BAZ2B: variants seen among roughly 807,000 people sequenced by gnomAD.
BAZ2B encodes bromodomain adjacent to zinc finger domain 2B, also known as bromodomain adjacent to zinc finger domain protein 2B.
A neutral mutation model predicts 246.0 loss-of-function variants in BAZ2B; 91 were observed. The ratio of observed to expected loss-of-function variants is 0.37; its 90% CI spans 0.31 to 0.44. The LOEUF (loss-of-function observed/expected upper bound fraction) is 0.44, where lower values mean the gene tolerates loss of function less well. BAZ2B is among the 20% of genes least tolerant of loss of function. The pLI, the probability that BAZ2B is intolerant of heterozygous loss-of-function variation, is 1.00. For missense variants in BAZ2B, 2,332 were observed against 2,533.7 expected (o/e 0.92, Z 1.71); for synonymous variants, 855 against 860.0 (o/e 0.99, Z 0.10).
intron 19 of BAZ2B, 72 bp from the exon 20 acceptor site, chr2:159,395,906 A>G: frequency 7.4e-7 from 1 of 1,342,602 alleles, no homozygotes; most frequent in Non-Finnish European, 1.0e-6. Context: ...TGAAAAAACA[A>G]AAACAAAAAC....
chr2:159,552,605 T>C (rs1467165479), intron 2 of BAZ2B, among the ~76,000 whole-genome samples: 2 of 152,206 alleles, frequency 1.3e-5, no homozygotes, highest in East Asian at 3.8e-4. Flanking sequence ...TTGAACTCTA[T>C]AGGTTCTAAA....
chr2:159,532,700 T>C (rs1334761426), intron 2 of BAZ2B, among the ~76,000 whole-genome samples: 1 of 152,188 alleles, frequency 6.6e-6, no homozygotes, highest in African/African-American at 2.4e-5. Context: ...AAGTGACCAT[T>C]ATAAGTGATA....
At chr2:159,487,720 A>C (rs1241878071) in intron 2 of BAZ2B, among the ~76,000 whole-genome samples, 1 of 152,064 alleles carries the variant, frequency 6.6e-6, no homozygotes, top group Non-Finnish European at 1.5e-5. Context: ...AGAGAAGCAA[A>C]CAACCAGAAG....
chr2:159,650,998 G>A, the BAZ2B span, among the ~76,000 whole-genome samples: 1 of 152,064 alleles, frequency 6.6e-6, no homozygotes, highest in Non-Finnish European at 1.5e-5. Flanking sequence ...AGAAATATAA[G>A]ATCCTATTCG....
chr2:159,619,161 CCT>C (rs1696328633), upstream of BAZ2B, among the ~76,000 whole-genome samples: 2 of 151,786 alleles, frequency 1.3e-5, no homozygotes, highest in East Asian at 1.9e-4. Flanking sequence ...CAGTCATTCC[CCT>C]GAGTAATTTT....
intron 34 of BAZ2B, among the ~76,000 whole-genome samples, chr2:159,326,577 C>T (rs912161481): frequency 3.3e-5 from 5 of 152,138 alleles, no homozygotes; most frequent in Non-Finnish European, 4.4e-5. Context: ...ACATAAAGGA[C>T]ATTATACTTG....
chr2:159,371,313 T>G (rs891050542), intron 27 of BAZ2B, among the ~76,000 whole-genome samples: 1 of 152,040 alleles, frequency 6.6e-6, no homozygotes, highest in East Asian at 1.9e-4. Flanking sequence ...TGGCTAATTT[T>G]TGTACTTTTT....
chr2:159,530,993 C>A (rs1003107160), intron 2 of BAZ2B, among the ~76,000 whole-genome samples: 2 of 147,428 alleles, frequency 1.4e-5, no homozygotes, highest in African/African-American at 4.9e-5. Context: ...AAACAAAAAG[C>A]AAATTAAAAT....
chr2:159,357,834 T>C (rs1161547911), intron 27 of BAZ2B, among the ~76,000 whole-genome samples: 2 of 152,162 alleles, frequency 1.3e-5, no homozygotes, highest in African/African-American at 2.4e-5. Context: ...GAAAAGAATT[T>C]TCAACCCAGA....
intron 13 of BAZ2B, among the ~76,000 whole-genome samples, chr2:159,424,609 GA>G (rs769003015): frequency 2.0e-5 from 3 of 151,980 alleles, no homozygotes; most frequent in Admixed American, 6.6e-5. Context: ...AAAAAATGAT[GA>G]AAAAAATATA....
At chr2:159,466,295 A>T (rs943167607) in intron 3 of BAZ2B, among the ~76,000 whole-genome samples, 2 of 152,246 alleles carry the variant, frequency 1.3e-5, no homozygotes, top group Non-Finnish European at 2.9e-5. Context: ...TGCACAGCAC[A>T]GCTCAGAAAA....
At chr2:159,600,375 T>C (rs1691853898) in intron 1 of BAZ2B, among the ~76,000 whole-genome samples, 1 of 152,230 alleles carries the variant, frequency 6.6e-6, no homozygotes, top group Non-Finnish European at 1.5e-5. Flanking sequence ...TTTAGGAATA[T>C]ATGATTATCC....
chr2:159,468,772 C>T (rs544685762), intron 3 of BAZ2B, among the ~76,000 whole-genome samples: 4 of 152,012 alleles, frequency 2.6e-5, no homozygotes, highest in South Asian at 2.1e-4. Flanking sequence ...AGGCCTTGTG[C>T]GGTGGCTAAC....
intron 31 of BAZ2B, among the ~76,000 whole-genome samples, chr2:159,341,240 A>C (rs1029660351): frequency 1.2e-4 from 16 of 138,912 alleles, no homozygotes; most frequent in East Asian, 3.0e-4. Context: ...TCAGATAAAA[A>C]AAACAAACAA....
At chr2:159,557,680 G>A (rs1578356954) in intron 1 of BAZ2B, among the ~76,000 whole-genome samples, 1 of 152,110 alleles carries the variant, frequency 6.6e-6, no homozygotes, top group South Asian at 2.1e-4. Flanking sequence ...CTCCATGAAG[G>A]AAGATCACTG....
At chr2:159,452,449 G>A (rs1049455024) in intron 4 of BAZ2B, among the ~76,000 whole-genome samples, 1 of 152,184 alleles carries the variant, frequency 6.6e-6, no homozygotes, top group Non-Finnish European at 1.5e-5. Context: ...TTTCAGATGA[G>A]AAAACTGAGG....
In BAZ2B at chr2:159,433,353, T is replaced by G; in HGVS notation, c.1304A>C (p.Lys435Thr). The G allele has an allele frequency of 6.2e-7, 1 of 1,609,970 alleles. No homozygotes were observed. Among genetic ancestry groups the G allele is most frequent in the Non-Finnish European group, 8.5e-7 (1 of 1,178,244 alleles). Reference protein sequence around the residue: ...SELRSKREQYKQAFPSQLKKQ... With the variant: ...SELRSKREQYTQAFPSQLKKQ... ...CTTTAACTGTGATGGGAATGCCTGT[T>G]TATATTGTTCCTGTTGAAACATAAG... The change falls in exon 9 of 37, where the codon AAA becomes ACA. Residue 435 changes from lysine (K) to threonine (T), a missense_variant. This residue lies in a region of BAZ2B where 651 missense variants were observed against 650.9 expected (regional missense o/e 1.00). Coordinates refer to ENST00000392783, the MANE Select transcript of BAZ2B (RefSeq NM_013450.4).
intron 1 of BAZ2B, among the ~76,000 whole-genome samples, chr2:159,609,057 A>T (rs1694139407): frequency 6.6e-6 from 1 of 152,222 alleles, no homozygotes; most frequent in Non-Finnish European, 1.5e-5. Flanking sequence ...GCTCCCTGTG[A>T]TTCCTAAAAG....
the BAZ2B span, among the ~76,000 whole-genome samples, chr2:159,621,636 G>A: frequency 6.6e-6 from 1 of 152,168 alleles, no homozygotes; most frequent in East Asian, 1.9e-4. Flanking sequence ...ATAGATAAAA[G>A]CTGTATCTCA....
Sources: gnomAD v4.1 joint callset for allele counts (sites outside exome capture counted in the v4.1 genomes callset) on GRCh38, gnomAD v4.1.1 for gene constraint, gnomAD v4.1.1 regional missense constraint, MANE v1.5 for transcripts, NCBI Gene and HGNC (gene_info 2026-07-23, HGNC 2026-07-21) for gene names.